The following BCKDHB variants were observed in gnomAD, a reference collection of about 807,000 sequenced individuals.
The protein encoded by BCKDHB is 2-oxoisovalerate dehydrogenase subunit beta, mitochondrial.
Under a neutral mutation model 48.5 loss-of-function variants are expected in BCKDHB, and 41 were observed. The ratio of observed to expected loss-of-function variants is 0.85; its 90% CI spans 0.66 to 1.10. The LOEUF (loss-of-function observed/expected upper bound fraction) is 1.10. Ranked by LOEUF, BCKDHB falls within the 50% of genes least tolerant of loss-of-function variation. BCKDHB has a pLI of 0.00. For synonymous variants in BCKDHB, 201 were observed against 174.8 expected (o/e 1.15, Z -1.18); for missense variants, 496 against 494.2 (o/e 1.00, Z -0.03).
the BCKDHB span, among the ~76,000 whole-genome samples, chr6:80,456,159 G>C: frequency 2.0e-5 from 3 of 151,622 alleles, no homozygotes; most frequent in Non-Finnish European, 4.4e-5. Flanking sequence ...AGGTTGCAGT[G>C]AGCCGAGATT....
intron 9 of BCKDHB, among the ~76,000 whole-genome samples, chr6:80,299,762 G>T (rs1374794954): frequency 6.6e-6 from 1 of 152,110 alleles, no homozygotes; most frequent in African/African-American, 2.4e-5. Flanking sequence ...AAACATATAA[G>T]TATATAACCC....
chr6:80,125,823 G>T (rs767076147), intron 1 of BCKDHB, among the ~76,000 whole-genome samples: 1 of 152,190 alleles, frequency 6.6e-6, no homozygotes. Context: ...TCATTGATCA[G>T]AGATCATGAT....
chr6:80,249,942 T>TAA (rs1776766453), intron 8 of BCKDHB, among the ~76,000 whole-genome samples: 1 of 152,194 alleles, frequency 6.6e-6, no homozygotes, highest in African/African-American at 2.4e-5. Context: ...TGCTCTGAAA[T>TAA]AATGCTATTA....
At chr6:80,382,108 C>T in the BCKDHB span, among the ~76,000 whole-genome samples, 1 of 152,034 alleles carries the variant, frequency 6.6e-6, no homozygotes, top group Admixed American at 6.6e-5. Flanking sequence ...AAATGTTTAC[C>T]ATCATTCTTG....
the BCKDHB span, among the ~76,000 whole-genome samples, chr6:80,351,627 T>A: frequency 4.8e-5 from 7 of 145,828 alleles, no homozygotes; most frequent in Non-Finnish European, 1.0e-4. Context: ...TATCAATAGA[T>A]CTGGAATTTT....
chr6:80,129,325 C>G (rs118066087), intron 3 of BCKDHB, 96 bp downstream of exon 3: 3 of 983,528 alleles, frequency 3.1e-6, no homozygotes, highest in African/African-American at 1.6e-5. Context: ...TGTCATATCC[C>G]CATTGTATGG....
intron 3 of BCKDHB, among the ~76,000 whole-genome samples, chr6:80,138,191 C>T (rs537088538): frequency 7.2e-5 from 11 of 152,140 alleles, no homozygotes; most frequent in South Asian, 4.1e-4. Context: ...CTAGGGCTCA[C>T]GCTTCCTAAA....
At chr6:80,364,442 G>A in the BCKDHB span, among the ~76,000 whole-genome samples, 4 of 152,292 alleles carry the variant, frequency 2.6e-5, no homozygotes, top group Middle Eastern at 6.8e-3. Context: ...GTGTCTTGAT[G>A]CAGGCAGGGA....
chr6:80,200,848 G>T, intron 6 of BCKDHB, 86 bp from the exon 7 acceptor site: 1 of 1,059,168 alleles, frequency 9.4e-7, no homozygotes, highest in Non-Finnish European at 1.4e-6. Context: ...ATAAAGCTTT[G>T]CTACAGTGAG....
chr6:80,407,400 A>T, the BCKDHB span, among the ~76,000 whole-genome samples: 5 of 152,144 alleles, frequency 3.3e-5, no homozygotes, highest in Admixed American at 2.6e-4. Context: ...GAAGAAAGTC[A>T]TTGGTAGCTT....
chr6:80,114,597 G>A (rs1769586393), intron 1 of BCKDHB, among the ~76,000 whole-genome samples: 2 of 152,184 alleles, frequency 1.3e-5, no homozygotes, highest in South Asian at 4.2e-4. Flanking sequence ...TTGATAGGTT[G>A]GATGTGAAGG....
At chr6:80,217,884 A>G (rs904727605) in intron 8 of BCKDHB, among the ~76,000 whole-genome samples, 4 of 152,212 alleles carry the variant, frequency 2.6e-5, no homozygotes, top group Non-Finnish European at 5.9e-5. Context: ...AGAGTCAGGA[A>G]GGATTGAGCC....
the BCKDHB span, among the ~76,000 whole-genome samples, chr6:80,370,247 G>A: frequency 1.3e-5 from 2 of 152,156 alleles, no homozygotes; most frequent in South Asian, 2.1e-4. Context: ...AGATCTCTAT[G>A]TGGAGGAGAA....
downstream of BCKDHB, among the ~76,000 whole-genome samples, chr6:80,346,708 A>T (rs578085156): frequency 2.1e-3 from 313 of 152,342 alleles, 2 homozygotes; most frequent in Non-Finnish European, 3.9e-3. Context: ...AGAAAAAACA[A>T]CAGTAGCAAC....
chr6:80,333,813 T>C (rs528048255), intron 9 of BCKDHB, among the ~76,000 whole-genome samples: 33 of 152,304 alleles, frequency 2.2e-4, no homozygotes, highest in African/African-American at 5.1e-4. Flanking sequence ...TAATAAATAG[T>C]ATCTCTGGGC....
intron 9 of BCKDHB, among the ~76,000 whole-genome samples, chr6:80,298,753 G>A (rs59538412): frequency 5.8e-4 from 89 of 152,278 alleles, no homozygotes; most frequent in African/African-American, 1.7e-3. Flanking sequence ...AGAGGAAAGC[G>A]TTGCCTGTGG....
rs547432741 is a variant in BCKDHB at position 80,171,438 on chromosome 6, G to GT, written c.742+54dup. 3.9e-4 allele frequency: 433 copies of GT among 1,104,476 alleles called. 2 individuals are homozygous for GT. The African/African-American group carries it at 5.8e-3, about 15-fold the overall frequency. The allele number at this position is 1,104,476 out of a possible 1,614,324, so 68.4% of individuals were successfully genotyped here. On this transcript the variant is annotated intron_variant, in intron 6 of 9. Transcript: ENST00000320393. ...ATTTGTGAATATCTTTATATACTTT[G>GT]TTTTTTATAGCTCTAAAAGTTATAT...
At chr6:80,466,301 A>G in the BCKDHB span, among the ~76,000 whole-genome samples, 17 of 152,284 alleles carry the variant, frequency 1.1e-4, no homozygotes, top group African/African-American at 4.1e-4. Context: ...TACGTACATT[A>G]TTAACAAAAA....
the BCKDHB span, among the ~76,000 whole-genome samples, chr6:80,446,393 A>G: frequency 6.6e-6 from 1 of 152,336 alleles, no homozygotes; most frequent in Admixed American, 6.5e-5. Context: ...TTGAGAAGGT[A>G]CAGAACACAT....
Sources: allele counts gnomAD v4.1 joint callset (sites outside exome capture counted in the v4.1 genomes callset), GRCh38; gene constraint gnomAD v4.1.1; transcripts MANE v1.5; gene names NCBI Gene and HGNC (gene_info 2026-07-23, HGNC 2026-07-21).